SMARCA2: variants seen among roughly 807,000 people sequenced by gnomAD.
SMARCA2 encodes SWI/SNF-related matrix-associated actin-dependent regulator of chromatin subfamily A member 2.
In SMARCA2, 61 loss-of-function variants were observed where a neutral mutation model predicts 199.8. The ratio of observed to expected loss-of-function variants is 0.31; its 90% CI spans 0.25 to 0.38. SMARCA2 has a LOEUF of 0.38. SMARCA2 is among the 10% of genes least tolerant of loss of function. The pLI, the probability that SMARCA2 is intolerant of heterozygous loss-of-function variation, is 1.00. For synonymous variants in SMARCA2, 935 were observed against 732.0 expected, an observed-to-expected ratio of 1.28 and a Z score of -4.48; for missense variants, 1,344 against 2,012.2, an observed-to-expected ratio of 0.67 and a Z score of 6.35.
At chr9:2,030,255 G>A (rs1035805909) in intron 2 of SMARCA2, among the ~76,000 whole-genome samples, 1 of 152,182 alleles carries the variant, frequency 6.6e-6, no homozygotes, top group Admixed American at 6.5e-5. Flanking sequence ...GAAGCTGAGA[G>A]TTCTATTATC....
At chr9:2,048,913 T>C (rs1819998701) in intron 5 of SMARCA2, among the ~76,000 whole-genome samples, 1 of 152,208 alleles carries the variant, frequency 6.6e-6, no homozygotes, top group Admixed American at 6.5e-5. Context: ...TTCTGTATGT[T>C]ACTGTTGAGT....
At chr9:2,121,112 C>A (rs77246904) in intron 26 of SMARCA2, among the ~76,000 whole-genome samples, 114 of 152,308 alleles carry the variant, frequency 7.5e-4, no homozygotes, top group African/African-American at 2.6e-3. Context: ...AGCTGCTTGC[C>A]ATTATACAAA....
At chr9:2,015,812 C>G (rs1355937077) in intron 1 of SMARCA2, among the ~76,000 whole-genome samples, 1 of 152,228 alleles carries the variant, frequency 6.6e-6, no homozygotes, top group Non-Finnish European at 1.5e-5. Flanking sequence ...GGTTGCAACA[C>G]ACACATTGGG....
rs753039711 is a variant in SMARCA2, at chr9:2,084,115, C to T, written c.2445C>T (p.Val815=). 6.2e-7 allele frequency: 1 copy of T among 1,611,582 alleles called. No individual in the cohort carries two copies. Among genetic ancestry groups the T allele is most frequent in the Non-Finnish European group, 8.5e-7 (1 of 1,177,956 alleles). Residue 815 remains valine, a synonymous_variant, in exon 17 of 34, where the codon GTC becomes GTT. Coordinates refer to ENST00000349721, the MANE Select transcript of SMARCA2 (RefSeq NM_003070.5). ...CTCCTGCCATGCGTCGCTCCCTTGT[C>T]CCCCAGCTACGGAGTGGCAAATTCA... is the stretch of plus-strand genomic sequence containing the variant. ...KGTPAMRRSL[V]PQLRSGKFNV...
intron 1 of SMARCA2, among the ~76,000 whole-genome samples, chr9:2,018,730 G>A (rs2130117551): frequency 6.6e-6 from 1 of 152,302 alleles, no homozygotes; most frequent in Middle Eastern, 3.4e-3. Flanking sequence ...CAAAGACTCA[G>A]AAACCATTGA....
rs577123281 is a variant in SMARCA2 at position 2,027,378 on chromosome 9, G to A, written c.-36-1609G>A. ...GATCACTTGAGCCTAGGAGTTTGAG[G>A]CTTCAGTGAGCCATGATCTCTACTG... On this transcript the variant is annotated intron_variant, in intron 1 of 33. Transcript: ENST00000349721. 6.6e-5 allele frequency among the ~76,000 whole-genome samples: 10 copies of A among 152,246 alleles called. No individual in the cohort carries two copies. The South Asian group carries it at 1.7e-3, about 25-fold the overall frequency.
chr9:2,046,194 G>T (rs1819834995), intron 4 of SMARCA2, among the ~76,000 whole-genome samples: 1 of 152,024 alleles, frequency 6.6e-6, no homozygotes, highest in African/African-American at 2.4e-5. Context: ...AACTCATCTG[G>T]TAGCATCACT....
chr9:2,185,522 C>A (rs1423458930), intron 31 of SMARCA2, among the ~76,000 whole-genome samples: 2 of 152,146 alleles, frequency 1.3e-5, no homozygotes, highest in Non-Finnish European at 2.9e-5. Flanking sequence ...TCTTTATATA[C>A]CCAGAAGTGG....
rs1233582365 is a variant in SMARCA2 at position 2,044,530 on chromosome 9, T to C, written c.791-2699T>C. 8 of 152,208 alleles carry C rather than the reference T, an allele frequency of 5.3e-5. No individual in the cohort carries two copies. In the East Asian group the frequency reaches 1.5e-3, roughly 29 times the overall value. The allele number at this position is 152,208 out of a possible 1,614,324, so 9.4% of individuals were successfully genotyped here. On this transcript the variant is annotated intron_variant, in intron 4 of 33. Coordinates refer to ENST00000349721, the MANE Select transcript of SMARCA2 (RefSeq NM_003070.5). The stretch of plus-strand genomic sequence containing the variant: ...TTAGGCTTCTTTATCTCCCTGTCCT[T>C]GGCAATAAAACGACAAAAGCCGAGG...
chr9:2,182,260 G>A lies in SMARCA2; in HGVS notation c.4461+18G>A. On this transcript the variant is annotated intron_variant, in intron 31 of 33. Coordinates refer to ENST00000349721, the MANE Select transcript of SMARCA2 (RefSeq NM_003070.5). ...GATCCCAGGTCTGTCTTGTTAAGTTGTCTAAAAGTTCTTAACTGTAAATGT... is the reference window on the plus strand; with the variant it reads ...GATCCCAGGTCTGTCTTGTTAAGTTATCTAAAAGTTCTTAACTGTAAATGT... 5 of 1,483,534 alleles carry A rather than the reference G, an allele frequency of 3.4e-6. No homozygotes were observed. The highest frequency in any genetic ancestry group is 2.3e-5 in the South Asian group (2 of 86,112). The allele number at this position is 1,483,534 out of a possible 1,614,324, so 91.9% of individuals were successfully genotyped here. A position where few individuals can be genotyped will look rare whatever the true frequency, so the allele number is the denominator to read the frequency against.
rs1393536924 is a variant in SMARCA2, at chr9:2,139,819, TTACA to T, written c.3981+15888_3981+15891del. On this transcript the variant is annotated intron_variant, in intron 27 of 33. Coordinates refer to ENST00000349721, the MANE Select transcript of SMARCA2 (RefSeq NM_003070.5). The stretch of plus-strand genomic sequence containing the variant: ...GAAAAATACCTGGTTATTGTTTCAC[TTACA>T]TACATCTTAGCAGAATTCAGGCCCC... Among the ~76,000 whole-genome samples the T allele has an allele frequency of 1.1e-4, 16 of 152,318 alleles. No individual in the cohort carries two copies. In the East Asian group the frequency reaches 3.1e-3, roughly 29 times the overall value.
intron 9 of SMARCA2, among the ~76,000 whole-genome samples, chr9:2,067,581 C>G (rs376291231): frequency 6.6e-6 from 1 of 152,110 alleles, no homozygotes; most frequent in African/African-American, 2.4e-5. Flanking sequence ...TGCAGAAGCC[C>G]TAGGAAGCAG....
chr9:2,076,844 G>C (rs577909190), intron 13 of SMARCA2, among the ~76,000 whole-genome samples: 2 of 152,184 alleles, frequency 1.3e-5, no homozygotes, highest in East Asian at 3.9e-4. Flanking sequence ...CCCTGGCTCT[G>C]TGTCTCATCC....
chr9:2,100,802 A>G (rs552921059), intron 21 of SMARCA2, among the ~76,000 whole-genome samples: 62 of 152,310 alleles, frequency 4.1e-4, no homozygotes, highest in Non-Finnish European at 5.0e-4. Context: ...TACATATTGT[A>G]TTAGTCCAGT....
At chr9:2,061,082 G>A in intron 9 of SMARCA2, 96 bp downstream of exon 9, 4 of 1,163,092 alleles carry the variant, frequency 3.4e-6, no homozygotes, top group Non-Finnish European at 4.8e-6. Flanking sequence ...TTCTTACACT[G>A]GTGGAAGGTT....
chr9:2,180,832 C>A lies in SMARCA2; in HGVS notation c.4254-739C>A, dbSNP rs182233659. On this transcript the variant is annotated intron_variant, in intron 29 of 33. Coordinates refer to ENST00000349721, the MANE Select transcript of SMARCA2 (RefSeq NM_003070.5). Reference sequence around the variant, plus strand: ...GCTATAGAACCTGCTTTCAAATAAACTTACCATGAATTTGGGGGAGGGTAC... The same window carrying A: ...GCTATAGAACCTGCTTTCAAATAAAATTACCATGAATTTGGGGGAGGGTAC... Among the ~76,000 whole-genome samples the A allele has an allele frequency of 5.9e-5, 9 of 152,306 alleles. No homozygotes were observed. In the East Asian group the frequency reaches 1.7e-3, roughly 29 times the overall value.
chr9:2,129,859 A>G (rs1289677311), intron 27 of SMARCA2, among the ~76,000 whole-genome samples: 1 of 152,062 alleles, frequency 6.6e-6, no homozygotes, highest in Non-Finnish European at 1.5e-5. Flanking sequence ...AGACCAGACA[A>G]ATTCTTTTTT....
At chr9:2,185,483 C>G (rs1250159631) in intron 31 of SMARCA2, among the ~76,000 whole-genome samples, 1 of 152,172 alleles carries the variant, frequency 6.6e-6, no homozygotes, top group African/African-American at 2.4e-5. Flanking sequence ...ATGGGTGTGC[C>G]AATGTCTTTT....
intron 29 of SMARCA2, among the ~76,000 whole-genome samples, chr9:2,177,843 T>C (rs1399503010): frequency 1.3e-5 from 2 of 152,178 alleles, no homozygotes; most frequent in African/African-American, 4.8e-5. Context: ...TGAGCCACCG[T>C]GCCCGGCCAG....
Sources: allele counts gnomAD v4.1 joint callset (sites outside exome capture counted in the v4.1 genomes callset), GRCh38; gene constraint gnomAD v4.1.1; transcripts MANE v1.5; gene names NCBI Gene and HGNC (gene_info 2026-07-23, HGNC 2026-07-21).